LGR6: variants seen among roughly 807,000 people sequenced by gnomAD.
LGR6 encodes the protein leucine rich repeat containing G protein-coupled receptor 6, also known as leucine-rich repeat-containing G protein-coupled receptor 6.
In LGR6, 45 loss-of-function variants were observed where a neutral mutation model predicts 69.4. That is an observed-to-expected ratio of 0.65 (90% confidence interval 0.51 to 0.83). The LOEUF is 0.83. Ranked by LOEUF, LGR6 falls within the 40% of genes least tolerant of loss-of-function variation. The probability of loss-of-function intolerance (pLI) is 0.00; values close to 1 mark genes in which losing one functional copy is unlikely to be tolerated. For missense variants in LGR6, 1,108 were observed against 1,246.7 expected (o/e 0.89, Z 1.68); for synonymous variants, 538 against 555.0 (o/e 0.97, Z 0.43).
intron 4 of LGR6, among the ~76,000 whole-genome samples, chr1:202,242,384 C>T (rs1662284855): frequency 6.6e-6 from 1 of 152,154 alleles, no homozygotes; most frequent in Admixed American, 6.5e-5. Flanking sequence ...GGTTCAAGTC[C>T]TAGCTCTATC....
At chr1:202,269,498 G>A (rs1571931411) in intron 4 of LGR6, among the ~76,000 whole-genome samples, 1 of 152,318 alleles carries the variant, frequency 6.6e-6, no homozygotes, top group East Asian at 1.9e-4. Flanking sequence ...TCAGGTACTA[G>A]GACTGGCTGG....
intron 6 of LGR6, among the ~76,000 whole-genome samples, chr1:202,283,138 C>G (rs546655089): frequency 6.6e-6 from 1 of 152,218 alleles, no homozygotes; most frequent in Admixed American, 6.5e-5. Flanking sequence ...CAAACCCTGA[C>G]AAGCTGTATA....
intron 1 of LGR6, chr1:202,203,992 G>GT: frequency 4.1e-6 from 3 of 740,020 alleles, no homozygotes; most frequent in Non-Finnish European, 7.4e-6. Context: ...TTTGTAGGGT[G>GT]TGTGTGTCCC....
intron 4 of LGR6, among the ~76,000 whole-genome samples, chr1:202,276,043 AAGATTGTGCCACTGCACTTC>A (rs1665519001): frequency 6.6e-6 from 1 of 152,180 alleles, no homozygotes; most frequent in East Asian, 1.9e-4. Flanking sequence ...GCAGTGAGCC[AAGATTGTGCCACTGCACTTC>A]AGCCTGGGCA....
At chr1:202,295,959 C>T (rs1257629512) in intron 6 of LGR6, among the ~76,000 whole-genome samples, 3 of 151,964 alleles carry the variant, frequency 2.0e-5, no homozygotes, top group East Asian at 1.9e-4. Context: ...GTCACTGCCC[C>T]TCTGGCCCTT....
At chr1:202,204,489 CCA>C (rs1491372663) in intron 1 of LGR6, among the ~76,000 whole-genome samples, 1 of 12,112 alleles carries the variant, frequency 8.3e-5, no homozygotes, top group African/African-American at 2.5e-4. Flanking sequence ...AAACACACCT[CCA>C]CACACACACC....
Position 202,235,952 on chromosome 1 carries a change from C to A in LGR6, c.387C>A (p.Ile129=). Residue 129 remains isoleucine, a synonymous_variant, in exon 4 of 18, where the codon ATC becomes ATA. Coordinates refer to ENST00000367278, the MANE Select transcript of LGR6 (RefSeq NM_001017403.2). ...TGCAGAACAATCAGCTGGGAGGAAT[C>A]CCCGCAGAGGCGCTGTGGGAGCTGC... ...LMLQNNQLGG[I]PAEALWELPS... 1 of 1,614,014 alleles carries A rather than the reference C, an allele frequency of 6.2e-7. No individual in the cohort carries two copies. Among genetic ancestry groups the A allele is most frequent in the East Asian group, 2.2e-5 (1 of 44,880 alleles).
At chr1:202,272,025 G>T (rs1208941480) in intron 4 of LGR6, among the ~76,000 whole-genome samples, 1 of 152,038 alleles carries the variant, frequency 6.6e-6, no homozygotes, top group Non-Finnish European at 1.5e-5. Context: ...GGTATTTGTG[G>T]CTACATCTGT....
At chr1:202,244,516 G>A (rs548336618) in intron 4 of LGR6, among the ~76,000 whole-genome samples, 2 of 152,098 alleles carry the variant, frequency 1.3e-5, no homozygotes, top group East Asian at 1.9e-4. Context: ...TCCAGCTTCC[G>A]GCAGCTGCTG....
At chr1:202,194,559 C>A (rs759124334) in intron 1 of LGR6, 34 of 578,394 alleles carry the variant, frequency 5.9e-5, no homozygotes, top group African/African-American at 5.4e-4. Context: ...GAGCAGTGCC[C>A]GGGATGGTGG....
At chr1:202,220,656 G>A (rs1660089162) in intron 1 of LGR6, among the ~76,000 whole-genome samples, 1 of 152,212 alleles carries the variant, frequency 6.6e-6, no homozygotes, top group Non-Finnish European at 1.5e-5. Flanking sequence ...AACAACGGCA[G>A]GTGCTGTGCT....
In LGR6 at chr1:202,318,473, G is replaced by A. The variant is rs1410369864; in HGVS notation, c.2170G>A (p.Glu724Lys). The change falls in exon 18 of 18, where the codon GAG (glutamate) becomes AAG (lysine). Residue 724 changes from glutamate to lysine, a missense_variant. By Grantham distance (56) the Glu-to-Lys change is moderately conservative. Coordinates refer to ENST00000367278, the MANE Select transcript of LGR6 (RefSeq NM_001017403.2). ...ACTCTGCCTGCCCTACGCGCCACCTGAGGGTCAGCCAGCAGCCCTGGGCTT... is the reference window on the plus strand; with the variant it reads ...ACTCTGCCTGCCCTACGCGCCACCTAAGGGTCAGCCAGCAGCCCTGGGCTT... ...SPLCLPYAPP[E>K]GQPAALGFTV... is the part of the protein sequence containing the mutation. 6 of 1,613,720 alleles carry A rather than the reference G, an allele frequency of 3.7e-6. No individual in the cohort carries two copies. Among genetic ancestry groups the A allele is most frequent in the South Asian group, 1.1e-5 (1 of 91,080 alleles).
intron 14 of LGR6, 132 bp from the exon 15 acceptor site, chr1:202,308,918 CT>C: frequency 9.1e-7 from 1 of 1,101,156 alleles, no homozygotes; most frequent in Non-Finnish European, 1.3e-6. Flanking sequence ...ATGCTCTCTT[CT>C]AAGCTTCTCT....
chr1:202,241,523 C>T (rs887051817), intron 4 of LGR6, among the ~76,000 whole-genome samples: 1 of 152,184 alleles, frequency 6.6e-6, no homozygotes, highest in Non-Finnish European at 1.5e-5. Context: ...ACACCCTCCT[C>T]CTTGGATACA....
chr1:202,247,580 A>C (rs12144720), intron 4 of LGR6, among the ~76,000 whole-genome samples: 1 of 152,118 alleles, frequency 6.6e-6, no homozygotes, highest in Non-Finnish European at 1.5e-5. Context: ...TTGTGGACCC[A>C]CTTGGAGGCA....
chr1:202,196,888 C>T (rs1658660030), intron 1 of LGR6: 1 of 399,230 alleles, frequency 2.5e-6, no homozygotes, highest in South Asian at 2.0e-5. Flanking sequence ...TTGATCAATA[C>T]TTGGCTGGTT....
intron 10 of LGR6, 54 bp from the exon 11 acceptor site, chr1:202,304,505 G>A: frequency 1.5e-6 from 2 of 1,347,264 alleles, no homozygotes; most frequent in Non-Finnish European, 1.1e-6. Flanking sequence ...CGGGGTGGCT[G>A]GGAATGGCAG....
At chr1:202,243,732 A>G (rs1191378007) in intron 4 of LGR6, among the ~76,000 whole-genome samples, 1 of 152,096 alleles carries the variant, frequency 6.6e-6, no homozygotes, top group African/African-American at 2.4e-5. Context: ...CAAATCTTCA[A>G]GAGGGCCCAA....
At position 202,306,939 on chromosome 1, in the gene LGR6, T is replaced by C. The variant is rs929393394; in HGVS notation, c.1208T>C (p.Leu403Pro). The C allele has an allele frequency of 1.2e-6, 2 of 1,613,844 alleles. No individual in the cohort carries two copies. Among genetic ancestry groups the C allele is most frequent in the African/African-American group, 1.3e-5 (1 of 75,064 alleles). The change falls in exon 13 of 18, where the codon CTG (leucine) becomes CCG (proline). Residue 403 changes from leucine to proline, a missense_variant and splice_region_variant. Coordinates refer to ENST00000367278, the MANE Select transcript of LGR6 (RefSeq NM_001017403.2). ...TFSQLSSLQA[L>P]DLSWNAIRSI... ...AGCCAGCTGAGCTCCCTGCAAGCCC[T>C]GTGAGTACCCACATCCAGGGGTGGG... is the stretch of plus-strand genomic sequence containing the variant.
Sources: allele counts gnomAD v4.1 joint callset (sites outside exome capture counted in the v4.1 genomes callset), GRCh38; gene constraint gnomAD v4.1.1; transcripts MANE v1.5; gene names NCBI Gene and HGNC (gene_info 2026-07-23, HGNC 2026-07-21).